The following POM121C variants were observed in gnomAD, a reference collection of about 807,000 sequenced individuals.
POM121C encodes the protein nuclear envelope pore membrane protein POM 121C.
POM121C carries 20 observed loss-of-function variants against 66.4 expected under a neutral mutation model. That is an observed-to-expected ratio of 0.30 (90% CI 0.21 to 0.44). The LOEUF (loss-of-function observed/expected upper bound fraction) is 0.44, where lower values mean the gene tolerates loss of function less well. Among genes scored for constraint, POM121C ranks in the 20% least tolerant of loss-of-function variants. The pLI, the probability that POM121C is intolerant of heterozygous loss-of-function variation, is 1.00. For synonymous variants in POM121C, 286 were observed against 528.0 expected, an observed-to-expected ratio of 0.54 and a Z score of 6.28; for missense variants, 580 against 1,225.7, an observed-to-expected ratio of 0.47 and a Z score of 7.87.
At chr7:75,484,662 CAAAAA>C (rs10690558) in intron 1 of POM121C, among the ~76,000 whole-genome samples, 1 of 48,670 alleles carries the variant, frequency 2.1e-5, no homozygotes, top group Non-Finnish European at 3.6e-5. Flanking sequence ...GACACTGTCT[CAAAAA>C]AAAAAAAAAA....
rs146724587 is a variant in POM121C at position 75,478,255 on chromosome 7, C to G, written c.-457-3067G>C. On this transcript the variant is annotated intron_variant, in intron 1 of 14. Coordinates refer to ENST00000615331, the MANE Select transcript of POM121C (RefSeq NM_001099415.3). The stretch of plus-strand genomic sequence containing the variant: ...TTGCTGTGATTACAGGTATGAGCCA[C>G]CACGCCTGGGCTGAAGCAGTGGTTT... Among the ~76,000 whole-genome samples, 35 of 152,264 alleles carry G rather than the reference C, an allele frequency of 2.3e-4. No homozygotes were observed. In the East Asian group the frequency reaches 6.0e-3, roughly 26 times the overall value.
intron 13 of POM121C, 28 bp from the exon 14 acceptor site, chr7:75,419,470 C>A: frequency 6.2e-7 from 1 of 1,610,622 alleles, no homozygotes; most frequent in East Asian, 2.2e-5. Flanking sequence ...GAGAGCTAGC[C>A]AGTGAGCAGA....
intron 7 of POM121C, among the ~76,000 whole-genome samples, chr7:75,430,557 T>C (rs1305131368): frequency 6.6e-6 from 1 of 152,118 alleles, no homozygotes; most frequent in Non-Finnish European, 1.5e-5. Context: ...TATGAAAATA[T>C]TAATAAAATA....
At chr7:75,477,256 G>T (rs1294992636) in intron 1 of POM121C, among the ~76,000 whole-genome samples, 3 of 152,032 alleles carry the variant, frequency 2.0e-5, no homozygotes, top group Non-Finnish European at 4.4e-5. Flanking sequence ...TACAATTAGA[G>T]AAGAGAAAAC....
At chr7:75,473,845 C>G (rs1217394559) in intron 3 of POM121C, among the ~76,000 whole-genome samples, 1 of 151,962 alleles carries the variant, frequency 6.6e-6, no homozygotes, top group African/African-American at 2.4e-5. Context: ...CCCGCCACTA[C>G]GTCCGGCTAA....
At chr7:75,442,531 G>C in intron 3 of POM121C, 1 of 1,446,384 alleles carries the variant, frequency 6.9e-7, no homozygotes, top group Non-Finnish European at 9.0e-7. Flanking sequence ...ACCAGGCCGC[G>C]GTAGTCCCCA....
chr7:75,466,750 G>T (rs1480847436), intron 3 of POM121C, among the ~76,000 whole-genome samples: 1 of 140,228 alleles, frequency 7.1e-6, no homozygotes. Flanking sequence ...ACTAATCAAA[G>T]AAAAAAAAAA....
rs587762208 is a variant in POM121C, at chr7:75,463,454, T to C, written c.-152+11250A>G. On this transcript the variant is annotated intron_variant, in intron 3 of 14. Transcript: ENST00000615331. Reference sequence around the variant, plus strand: ...ATGGAAAGAGCTGGGTTTTTCTTTTTTTTTTTTTTTTTTTTACCTTTGGCA... The same window carrying C: ...ATGGAAAGAGCTGGGTTTTTCTTTTCTTTTTTTTTTTTTTTACCTTTGGCA... Among the ~76,000 whole-genome samples the C allele has an allele frequency of 4.4e-3, 664 of 150,634 alleles. 17 individuals are homozygous for C. The highest frequency in any genetic ancestry group is 0.043 in the East Asian group (225 of 5,178).
intron 1 of POM121C, among the ~76,000 whole-genome samples, chr7:75,484,765 T>C (rs3973306): frequency 4.0e-5 from 6 of 151,744 alleles, no homozygotes; most frequent in East Asian, 1.9e-4. Flanking sequence ...ATGGGTAACA[T>C]GACTCCTTTT....
chr7:75,473,022 A>G (rs1791934149), intron 3 of POM121C, among the ~76,000 whole-genome samples: 1 of 152,234 alleles, frequency 6.6e-6, no homozygotes, highest in Non-Finnish European at 1.5e-5. Context: ...TCTGCAAGGC[A>G]TTTCACAGAA....
Position 75,416,799 on chromosome 7 carries a change from A to G in POM121C, c.*1997T>C, listed in dbSNP as rs1167004177. On this transcript the variant is annotated 3_prime_UTR_variant, in exon 15 of 15. Coordinates refer to ENST00000615331, the MANE Select transcript of POM121C (RefSeq NM_001099415.3). Reference sequence around the variant, plus strand: ...CAGAACGTACTCTACGATAGATCACAGTTTTTTATTCTTAATGTCACAAGC... The same window carrying G: ...CAGAACGTACTCTACGATAGATCACGGTTTTTTATTCTTAATGTCACAAGC... 26 of 1,512,546 alleles carry G rather than the reference A, an allele frequency of 1.7e-5. 1 individual carries two copies. The African/African-American group carries it at 2.4e-4, about 14-fold the overall frequency. 93.7% of individuals were successfully genotyped at this position (1,512,546 alleles called of 1,614,324 possible). A position where few individuals can be genotyped will look rare whatever the true frequency, so the allele number is the denominator to read the frequency against.
intron 7 of POM121C, among the ~76,000 whole-genome samples, chr7:75,428,791 C>T (rs1790058632): frequency 6.6e-6 from 1 of 152,036 alleles, no homozygotes; most frequent in Admixed American, 6.6e-5. Flanking sequence ...AACAGTGTGG[C>T]CAACATGGTG....
intron 1 of POM121C, chr7:75,484,275 G>A (rs1554480548): frequency 2.0e-6 from 3 of 1,516,306 alleles, no homozygotes; most frequent in African/African-American, 1.4e-5. Context: ...GCAGAAGCAG[G>A]TCACTGAAGT....
At chr7:75,467,257 C>T (rs587615905) in intron 3 of POM121C, among the ~76,000 whole-genome samples, 54 of 152,144 alleles carry the variant, frequency 3.5e-4, no homozygotes, top group African/African-American at 1.3e-3. Flanking sequence ...AAGCACCGGG[C>T]GTGGTGGCTC....
At chr7:75,485,759 G>A (rs868992781) in intron 1 of POM121C, 105 bp downstream of exon 1, 99 of 404,878 alleles carry the variant, frequency 2.4e-4, no homozygotes, top group Admixed American at 2.0e-4. Flanking sequence ...ATGTCTCTCC[G>A]GCAAGCAATC....
At chr7:75,453,604 A>T (rs1791103707) in intron 3 of POM121C, among the ~76,000 whole-genome samples, 1 of 151,500 alleles carries the variant, frequency 6.6e-6, no homozygotes. Flanking sequence ...AAAAAGACAC[A>T]GTCTCATTCC....
intron 3 of POM121C, among the ~76,000 whole-genome samples, chr7:75,471,497 C>T (rs1232449194): frequency 2.6e-5 from 4 of 151,914 alleles, no homozygotes; most frequent in South Asian, 2.1e-4. Context: ...CATGCCCGGC[C>T]GAGACCTTGA....
intron 3 of POM121C, among the ~76,000 whole-genome samples, chr7:75,448,297 C>T (rs1470701887): frequency 6.6e-5 from 10 of 152,026 alleles, no homozygotes; most frequent in African/African-American, 1.4e-4. Flanking sequence ...GAAATGTTAA[C>T]GGATGTCCTT....
At chr7:75,479,827 T>C (rs1477683602) in intron 1 of POM121C, among the ~76,000 whole-genome samples, 2 of 152,096 alleles carry the variant, frequency 1.3e-5, no homozygotes, top group Non-Finnish European at 2.9e-5. Flanking sequence ...ACAATTAAAG[T>C]TGCATACTAT....
Sources: allele counts gnomAD v4.1 joint callset (sites outside exome capture counted in the v4.1 genomes callset), GRCh38; gene constraint gnomAD v4.1.1; transcripts MANE v1.5; gene names NCBI Gene and HGNC (gene_info 2026-07-23, HGNC 2026-07-21).